NHSL1: variants seen among roughly 807,000 people sequenced by gnomAD.
The protein encoded by NHSL1 is NHS-like protein 1.
In NHSL1, 48 loss-of-function variants were observed where a neutral mutation model predicts 95.0. The observed-to-expected ratio is 0.51, with a 90% CI of 0.40 to 0.64. The LOEUF is 0.64. Ranked by LOEUF, NHSL1 falls within the 30% of genes least tolerant of loss-of-function variation. The pLI is 0.00. For synonymous variants in NHSL1, 783 were observed against 833.9 expected (o/e 0.94, Z 1.05); for missense variants, 1,971 against 2,077.7 (o/e 0.95, Z 1.00).
At chr6:138,677,592 CA>C (rs1785463909) in intron 1 of NHSL1, among the ~76,000 whole-genome samples, 2 of 152,280 alleles carry the variant, frequency 1.3e-5, no homozygotes, top group South Asian at 4.1e-4. Context: ...CTGTCCTGAC[CA>C]GAGGCAAAAG....
intron 3 of NHSL1, among the ~76,000 whole-genome samples, chr6:138,453,171 C>A (rs1777352505): frequency 6.6e-6 from 1 of 151,806 alleles, no homozygotes. Context: ...GATGGGGTTT[C>A]ACCACATTGG....
chr6:138,558,881 A>T (rs1486102013), intron 1 of NHSL1, among the ~76,000 whole-genome samples: 1 of 152,100 alleles, frequency 6.6e-6, no homozygotes, highest in Non-Finnish European at 1.5e-5. Context: ...TTCTCTACAA[A>T]AAAACAAAAT....
intron 3 of NHSL1, among the ~76,000 whole-genome samples, chr6:138,451,127 C>T (rs1383225892): frequency 6.6e-6 from 1 of 152,172 alleles, no homozygotes; most frequent in East Asian, 1.9e-4. Context: ...CCTACATGAT[C>T]TACCAGCTGG....
intron 1 of NHSL1, among the ~76,000 whole-genome samples, chr6:138,508,445 G>T (rs1483137104): frequency 1.3e-5 from 2 of 152,246 alleles, no homozygotes; most frequent in African/African-American, 4.8e-5. Context: ...TAGGCCCCTA[G>T]AAAGTTAGAG....
chr6:138,602,691 A>T (rs909252293), intron 1 of NHSL1, among the ~76,000 whole-genome samples: 1 of 152,182 alleles, frequency 6.6e-6, no homozygotes, highest in Admixed American at 6.5e-5. Context: ...AAATTTTGTT[A>T]GATTTACAAA....
upstream of NHSL1, chr6:138,545,854 G>A: frequency 1.1e-5 from 12 of 1,125,394 alleles, no homozygotes; most frequent in Non-Finnish European, 1.3e-5. Context: ...TTCACACCAT[G>A]GAATCAGCCT....
intron 1 of NHSL1, among the ~76,000 whole-genome samples, chr6:138,676,931 C>T (rs1785456867): frequency 6.6e-6 from 1 of 152,244 alleles, no homozygotes; most frequent in Non-Finnish European, 1.5e-5. Context: ...GCTGGGATTA[C>T]AGGCGTGAGC....
intron 1 of NHSL1, among the ~76,000 whole-genome samples, chr6:138,631,670 T>C (rs1784821354): frequency 6.6e-6 from 1 of 152,114 alleles, no homozygotes; most frequent in South Asian, 2.1e-4. Context: ...ATTCATCACC[T>C]GCTAACTGAA....
intron 1 of NHSL1, among the ~76,000 whole-genome samples, chr6:138,636,930 C>A (rs1349348071): frequency 6.6e-6 from 1 of 152,062 alleles, no homozygotes; most frequent in Non-Finnish European, 1.5e-5. Flanking sequence ...TTATATGGAA[C>A]CATGAAAGAC....
chr6:138,687,803 A>T (rs955427842), intron 1 of NHSL1, among the ~76,000 whole-genome samples: 1 of 152,228 alleles, frequency 6.6e-6, no homozygotes, highest in Admixed American at 6.5e-5. Flanking sequence ...CAGAAAGTAG[A>T]TCAGTGGTTG....
chr6:138,660,474 A>G (rs1405573515), intron 1 of NHSL1, among the ~76,000 whole-genome samples: 2 of 152,092 alleles, frequency 1.3e-5, no homozygotes, highest in African/African-American at 2.4e-5. Flanking sequence ...AGCAATATTT[A>G]TTCCATCCCC....
chr6:138,630,107 T>A (rs979650135), intron 1 of NHSL1, among the ~76,000 whole-genome samples: 1 of 152,028 alleles, frequency 6.6e-6, no homozygotes, highest in Non-Finnish European at 1.5e-5. Context: ...CTAAGCTACT[T>A]GGGAGGCTGA....
chr6:138,464,455 C>T, intron 3 of NHSL1: 1 of 277,250 alleles, frequency 3.6e-6, no homozygotes, highest in Non-Finnish European at 6.8e-6. Flanking sequence ...CCCTAGGCCG[C>T]TGGAGAACAG....
intron 4 of NHSL1, among the ~76,000 whole-genome samples, chr6:138,445,974 C>T (rs906052608): frequency 6.6e-6 from 1 of 152,104 alleles, no homozygotes; most frequent in Non-Finnish European, 1.5e-5. Flanking sequence ...TGTGCCCTCC[C>T]CAAACCACTA....
At chr6:138,660,184 C>A (rs940111852) in intron 1 of NHSL1, among the ~76,000 whole-genome samples, 4 of 152,178 alleles carry the variant, frequency 2.6e-5, no homozygotes, top group Non-Finnish European at 4.4e-5. Context: ...GGAAATACAC[C>A]TACGTAGTTC....
At chr6:138,454,085 T>G (rs1777418210) in intron 3 of NHSL1, among the ~76,000 whole-genome samples, 1 of 152,166 alleles carries the variant, frequency 6.6e-6, no homozygotes, top group Admixed American at 6.5e-5. Context: ...AAAATATTAC[T>G]AAAAACCTGC....
chr6:138,613,277 T>C (rs1784537939), intron 1 of NHSL1, among the ~76,000 whole-genome samples: 1 of 152,106 alleles, frequency 6.6e-6, no homozygotes, highest in African/African-American at 2.4e-5. Flanking sequence ...CTGATCGAGG[T>C]GGAGTTTTAG....
rs182637276 is a variant in NHSL1 at position 138,483,638 on chromosome 6, C to T, written c.212-10205G>A. ...TCCACCTGGTCTCCTACATTGACAC[C>T]CCTGTCTCCTTTACTGTGAACTTTC... On this transcript the variant is annotated intron_variant, in intron 2 of 7. Coordinates refer to ENST00000343505, the MANE Select transcript of NHSL1 (RefSeq NM_001144060.2). Among the ~76,000 whole-genome samples the T allele has an allele frequency of 1.3e-3, 197 of 152,290 alleles. 1 individual carries two copies. Among genetic ancestry groups the T allele is most frequent in the African/African-American group, 4.3e-3 (178 of 41,554 alleles).
At position 138,447,003 on chromosome 6, in the gene NHSL1, G is replaced by C; in HGVS notation, c.530C>G (p.Thr177Ser). 2.6e-6 allele frequency: 4 copies of C among 1,551,568 alleles called. No homozygotes were observed. The East Asian group carries it at 7.3e-5, about 28-fold the overall frequency. Residue 177 changes from threonine (T) to serine (S), a missense_variant and splice_region_variant, in exon 4 of 8, where the codon ACT becomes AGT. By Grantham distance (58) the Thr-to-Ser change is moderately conservative. Transcript: ENST00000343505. ...VQADVVPINI[T>S]GENFDRQASL... ...CCTGTCTGGCTAGCAAAGCGTACCA[G>C]TTATGTTAATAGGCACCACGTCAGC...
Sources: allele counts gnomAD v4.1 joint callset (sites outside exome capture counted in the v4.1 genomes callset), GRCh38; gene constraint gnomAD v4.1.1; transcripts MANE v1.5; gene names NCBI Gene and HGNC (gene_info 2026-07-23, HGNC 2026-07-21).